CASD1: variants seen among roughly 807,000 people sequenced by gnomAD.
CASD1 encodes N-acetylneuraminate (7)9-O-acetyltransferase.
A neutral mutation model predicts 100.0 loss-of-function variants in CASD1; 41 were observed. The observed-to-expected ratio is 0.41, with a 90% CI of 0.32 to 0.53. The LOEUF is 0.53. CASD1 is among the 20% of genes least tolerant of loss of function. The probability of loss-of-function intolerance (pLI) is 0.25; values close to 1 mark genes in which losing one functional copy is unlikely to be tolerated. For synonymous variants in CASD1, 321 were observed against 315.6 expected (o/e 1.02, Z -0.18); for missense variants, 774 against 948.7 (o/e 0.82, Z 2.42).
At chr7:94,554,720 C>G (rs114963308) in intron 17 of CASD1, 145 bp downstream of exon 17, 195 of 520,624 alleles carry the variant, frequency 3.7e-4, no homozygotes, top group African/African-American at 3.4e-3. Flanking sequence ...TATGGAATTA[C>G]AGGGAAAAGA....
the CASD1 span, among the ~76,000 whole-genome samples, chr7:94,576,155 C>T: frequency 6.6e-6 from 1 of 152,176 alleles, no homozygotes; most frequent in Non-Finnish European, 1.5e-5. Context: ...GTCTCTCAAG[C>T]TCCATTTATT....
chr7:94,515,094 G>A (rs1793908853), intron 1 of CASD1, among the ~76,000 whole-genome samples: 1 of 151,660 alleles, frequency 6.6e-6, no homozygotes, highest in South Asian at 2.1e-4. Flanking sequence ...TTATAATTTT[G>A]CTGACATACA....
intron 3 of CASD1, 59 bp from the exon 4 acceptor site, chr7:94,527,103 G>C (rs563752463): frequency 6.3e-6 from 8 of 1,277,680 alleles, no homozygotes; most frequent in Non-Finnish European, 6.7e-6. Context: ...GCTAAATGGG[G>C]CATTTTTTAT....
At chr7:94,618,870 G>A in the CASD1 span, 1 of 1,614,028 alleles carries the variant, frequency 6.2e-7, no homozygotes, top group Non-Finnish European at 8.5e-7. Context: ...ACTGCGCCAA[G>A]AAAGTCTCCA....
chr7:94,549,428 ACT>A (rs1795837299), intron 13 of CASD1, 103 bp from the exon 14 acceptor site: 1 of 528,612 alleles, frequency 1.9e-6, no homozygotes, highest in Non-Finnish European at 3.2e-6. Context: ...ATTGTGAATG[ACT>A]CTTATATAAT....
the CASD1 span, among the ~76,000 whole-genome samples, chr7:94,575,082 C>T: frequency 2.6e-5 from 4 of 152,122 alleles, no homozygotes; most frequent in Admixed American, 6.5e-5. Context: ...TTCTTGTCTT[C>T]TGCTAGCTTT....
the CASD1 span, chr7:94,628,180 G>A: frequency 1.3e-6 from 2 of 1,573,498 alleles, no homozygotes; most frequent in Non-Finnish European, 1.7e-6. Flanking sequence ...GTATAGTTTT[G>A]CTCTTTCTAG....
At chr7:94,572,458 A>G in the CASD1 span, among the ~76,000 whole-genome samples, 2 of 152,082 alleles carry the variant, frequency 1.3e-5, no homozygotes, top group African/African-American at 4.8e-5. Flanking sequence ...ATTTTTGTAC[A>G]TTCATCATTT....
the CASD1 span, among the ~76,000 whole-genome samples, chr7:94,601,189 A>G: frequency 9.2e-5 from 14 of 152,186 alleles, no homozygotes; most frequent in East Asian, 5.8e-4. Context: ...CCTTTACACT[A>G]CCATGTAAAT....
At chr7:94,583,854 T>TA in the CASD1 span, among the ~76,000 whole-genome samples, 2 of 152,140 alleles carry the variant, frequency 1.3e-5, no homozygotes, top group East Asian at 3.9e-4. Context: ...CTCACTTTGT[T>TA]AAAACAAAAC....
chr7:94,541,537 G>GTTTTTTTTTT (rs56786123), intron 10 of CASD1, among the ~76,000 whole-genome samples: 11 of 60,116 alleles, frequency 1.8e-4, no homozygotes, highest in Admixed American at 3.0e-4. Flanking sequence ...TGTTCCACTG[G>GTTTTTTTTTT]TTTTTTTTTT....
chr7:94,550,482 A>G (rs1014829775), intron 14 of CASD1, among the ~76,000 whole-genome samples: 1 of 152,138 alleles, frequency 6.6e-6, no homozygotes, highest in African/African-American at 2.4e-5. Flanking sequence ...GTCCCAGTCT[A>G]TTTAGGCTGC....
At chr7:94,615,750 C>G in the CASD1 span, among the ~76,000 whole-genome samples, 1 of 152,152 alleles carries the variant, frequency 6.6e-6, no homozygotes, top group African/African-American at 2.4e-5. Flanking sequence ...TCCTCACACC[C>G]CATCATTCCC....
the CASD1 span, among the ~76,000 whole-genome samples, chr7:94,571,884 A>T: frequency 6.8e-6 from 1 of 147,056 alleles, no homozygotes; most frequent in East Asian, 2.0e-4. Flanking sequence ...AAAAAAAAAA[A>T]TGGTCAGAAG....
intron 1 of CASD1, among the ~76,000 whole-genome samples, chr7:94,513,631 A>G (rs981881442): frequency 1.2e-4 from 18 of 152,204 alleles, no homozygotes; most frequent in African/African-American, 3.9e-4. Flanking sequence ...CAACTTACAC[A>G]TACTTATTGT....
At chr7:94,576,208 C>A in the CASD1 span, among the ~76,000 whole-genome samples, 1 of 152,100 alleles carries the variant, frequency 6.6e-6, no homozygotes, top group Non-Finnish European at 1.5e-5. Context: ...ACTGGATAAC[C>A]TCAGTTGTCC....
chr7:94,526,575 G>A (rs773466607), intron 3 of CASD1, among the ~76,000 whole-genome samples: 5 of 152,200 alleles, frequency 3.3e-5, no homozygotes, highest in Non-Finnish European at 7.3e-5. Context: ...GATCACTTGA[G>A]CCCAGGAGTT....
At chr7:94,589,183 C>T in the CASD1 span, 1 of 183,082 alleles carries the variant, frequency 5.5e-6, no homozygotes, top group African/African-American at 2.4e-5. Context: ...TCCCAAACAT[C>T]TGTGCTCTTT....
At chr7:94,586,164 C>T in the CASD1 span, among the ~76,000 whole-genome samples, 13 of 147,718 alleles carry the variant, frequency 8.8e-5, no homozygotes, top group African/African-American at 2.5e-4. Flanking sequence ...GTATCCAAGA[C>T]GCAAACTCTT....
Sources: gnomAD v4.1 joint callset for allele counts (sites outside exome capture counted in the v4.1 genomes callset) on GRCh38, gnomAD v4.1.1 for gene constraint, MANE v1.5 for transcripts, NCBI Gene and HGNC (gene_info 2026-07-23, HGNC 2026-07-21) for gene names.